Variants in TLE4 observed in about 807,000 individuals in gnomAD.
TLE4 encodes TLE family member 4, transcriptional corepressor.
Under a neutral mutation model 92.8 loss-of-function variants are expected in TLE4, and 8 were observed. The observed-to-expected ratio is 0.09, with a 90% CI of 0.05 to 0.16. The LOEUF is 0.16. Ranked by LOEUF, TLE4 falls within the 10% of genes least tolerant of loss-of-function variation. The pLI, the probability that TLE4 is intolerant of heterozygous loss-of-function variation, is 1.00. For synonymous variants in TLE4, 371 were observed against 374.1 expected (o/e 0.99, Z 0.10); for missense variants, 675 against 997.6 (o/e 0.68, Z 4.36).
At chr9:79,669,585 A>G (rs2061935113) in intron 8 of TLE4, among the ~76,000 whole-genome samples, 2 of 151,968 alleles carry the variant, frequency 1.3e-5, no homozygotes, top group African/African-American at 4.8e-5. Context: ...TTTTGTTGGT[A>G]TTATTTCACC....
intron 5 of TLE4, among the ~76,000 whole-genome samples, chr9:79,620,204 T>C (rs2050623690): frequency 6.6e-6 from 1 of 152,242 alleles, no homozygotes; most frequent in Non-Finnish European, 1.5e-5. Context: ...TGGAGCTAAG[T>C]TTGAAGGTAC....
At position 79,625,728 on chromosome 9, in the gene TLE4, T is replaced by G. The variant is rs575501639; in HGVS notation, c.316-1646T>G. 1.9e-3 allele frequency among the ~76,000 whole-genome samples: 292 copies of G among 152,272 alleles called. 1 individual carries two copies. Among genetic ancestry groups the G allele is most frequent in the African/African-American group, 5.5e-3 (229 of 41,558 alleles). On this transcript the variant is annotated intron_variant, in intron 5 of 19. Coordinates refer to ENST00000376552, the MANE Select transcript of TLE4 (RefSeq NM_007005.6). ...CTGAAATGACAATTGCTGGCCATTT[T>G]ATTGACTGTGCCCTTCTATTCCTTC...
chr9:79,703,808 T>C (rs1039977089), intron 8 of TLE4, among the ~76,000 whole-genome samples: 5 of 152,308 alleles, frequency 3.3e-5, no homozygotes, highest in Non-Finnish European at 7.4e-5. Flanking sequence ...CAGGTGGTGT[T>C]TTTCCTGCCA....
intron 8 of TLE4, among the ~76,000 whole-genome samples, chr9:79,697,996 C>CA: frequency 6.6e-6 from 1 of 152,188 alleles, no homozygotes; most frequent in African/African-American, 2.4e-5. Flanking sequence ...CATAAGCAGA[C>CA]AAAAAATATG....
chr9:79,653,043 C>T, intron 7 of TLE4: 1 of 536,594 alleles, frequency 1.9e-6, no homozygotes, highest in Non-Finnish European at 3.5e-6. Flanking sequence ...TTTCTTGCTA[C>T]CTTCTATGTT....
chr9:79,710,154 ATCTGGAGCC>A (rs932669341), intron 14 of TLE4, among the ~76,000 whole-genome samples: 1 of 152,272 alleles, frequency 6.6e-6, no homozygotes, highest in African/African-American at 2.4e-5. Flanking sequence ...TGCTCTGGGC[ATCTGGAGCC>A]TCTGTATTCA....
chr9:79,690,779 C>CTTTTTTT (rs35528090), intron 8 of TLE4, among the ~76,000 whole-genome samples: 24 of 54,164 alleles, frequency 4.4e-4, no homozygotes, highest in African/African-American at 1.2e-3. Context: ...CCACTCCTGG[C>CTTTTTTT]TTTTTTTTTT....
intron 4 of TLE4, among the ~76,000 whole-genome samples, chr9:79,607,976 G>C (rs1286031410): frequency 6.6e-6 from 1 of 151,912 alleles, no homozygotes; most frequent in Non-Finnish European, 1.5e-5. Flanking sequence ...ATTTTGGGCT[G>C]AGACGATGGG....
intron 8 of TLE4, among the ~76,000 whole-genome samples, chr9:79,655,746 C>T (rs911505308): frequency 1.3e-5 from 2 of 152,158 alleles, no homozygotes; most frequent in African/African-American, 4.8e-5. Context: ...CTGATACCAG[C>T]CTTTGAAAGC....
At chr9:79,668,338 A>G (rs1171374638) in intron 8 of TLE4, among the ~76,000 whole-genome samples, 2 of 152,212 alleles carry the variant, frequency 1.3e-5, no homozygotes, top group African/African-American at 4.8e-5. Context: ...AAGTGGTGAG[A>G]TGCCAGGAGG....
At chr9:79,596,380 A>C (rs2044022677) in intron 4 of TLE4, among the ~76,000 whole-genome samples, 1 of 152,206 alleles carries the variant, frequency 6.6e-6, no homozygotes, top group Non-Finnish European at 1.5e-5. Context: ...CTTCACCAGT[A>C]GCAAAACATA....
chr9:79,627,349 TTC>T (rs1313838339), intron 5 of TLE4, 23 bp from the exon 6 acceptor site: 1 of 1,612,360 alleles, frequency 6.2e-7, no homozygotes, highest in Non-Finnish European at 8.5e-7. Context: ...AATAATTGTA[TTC>T]TGTTTCTGAT....
chr9:79,660,036 T>C (rs2060307667), intron 8 of TLE4, among the ~76,000 whole-genome samples: 1 of 152,230 alleles, frequency 6.6e-6, no homozygotes, highest in African/African-American at 2.4e-5. Context: ...GATTTCATTC[T>C]GTCCCATTCT....
intron 8 of TLE4, among the ~76,000 whole-genome samples, chr9:79,691,574 A>T (rs991753823): frequency 1.3e-5 from 2 of 151,970 alleles, no homozygotes; most frequent in Admixed American, 6.5e-5. Flanking sequence ...CCTTTCTCCC[A>T]GCATCACCCC....
chr9:79,601,885 G>A (rs1056130404), intron 4 of TLE4, among the ~76,000 whole-genome samples: 9 of 152,182 alleles, frequency 5.9e-5, no homozygotes, highest in African/African-American at 1.4e-4. Context: ...AGCTAGGTGC[G>A]TTGTGCCCAA....
chr9:79,642,768 G>T (rs1230516867), intron 6 of TLE4, among the ~76,000 whole-genome samples: 1 of 152,048 alleles, frequency 6.6e-6, no homozygotes, highest in African/African-American at 2.4e-5. Context: ...TACAAGTTAG[G>T]ACAATGGAGC....
At chr9:79,708,813 A>G (rs763111450) in intron 13 of TLE4, 27 bp downstream of exon 13, 2 of 1,585,534 alleles carry the variant, frequency 1.3e-6, no homozygotes, top group Non-Finnish European at 1.7e-6. Context: ...CACAAATAAT[A>G]TTTTAGCACA....
intron 4 of TLE4, among the ~76,000 whole-genome samples, chr9:79,597,472 T>G (rs2044312339): frequency 6.6e-6 from 1 of 151,518 alleles, no homozygotes; most frequent in Non-Finnish European, 1.5e-5. Context: ...AATCTCAGGG[T>G]TTTTTTTCTA....
In TLE4 at chr9:79,718,792, G is replaced by A. The variant is rs753600409; in HGVS notation, c.1411G>A (p.Gly471Arg). ...PVPFPPDALI[G>R]PGIPRHARQI... ...CCCTTTTCCACCCGACGCCCTCATC[G>A]GACCTGGAATCCCCCGGCATGCTCG... The change falls in exon 15 of 20, where the codon GGA (glycine) becomes AGA (arginine). Residue 471 changes from glycine (G) to arginine (R), a missense_variant. Around this residue, in one of 5 missense-constraint regions of TLE4, gnomAD observed 119 missense variants for 175.9 expected, o/e 0.68. Coordinates refer to ENST00000376552, the MANE Select transcript of TLE4 (RefSeq NM_007005.6). 10 of 1,614,076 alleles carry A rather than the reference G, an allele frequency of 6.2e-6. No homozygotes were observed. Among genetic ancestry groups the A allele is most frequent in the East Asian group, 4.5e-5 (2 of 44,868 alleles).
Sources: gnomAD v4.1 joint callset for allele counts (sites outside exome capture counted in the v4.1 genomes callset) on GRCh38, gnomAD v4.1.1 for gene constraint, gnomAD v4.1.1 regional missense constraint, MANE v1.5 for transcripts, NCBI Gene and HGNC (gene_info 2026-07-23, HGNC 2026-07-21) for gene names.